The following CFAP95 variants were observed in gnomAD, a reference collection of about 807,000 sequenced individuals.
CFAP95 encodes cilia and flagella associated protein 95.
chr9:69,890,140 G>GTA, the CFAP95 span, among the ~76,000 whole-genome samples: 1 of 152,052 alleles, frequency 6.6e-6, no homozygotes, highest in Non-Finnish European at 1.5e-5. Context: ...GGATTGGACT[G>GTA]TATCTTTAAA....
the CFAP95 span, among the ~76,000 whole-genome samples, chr9:69,845,513 C>T: frequency 1.5e-4 from 23 of 152,190 alleles, no homozygotes; most frequent in Non-Finnish European, 2.9e-4. Flanking sequence ...TAAAAAGACG[C>T]ATAATTCCAC....
At chr9:69,873,148 TA>T in the CFAP95 span, among the ~76,000 whole-genome samples, 3 of 152,252 alleles carry the variant, frequency 2.0e-5, no homozygotes, top group Admixed American at 2.0e-4. Flanking sequence ...TAAAGAGTAA[TA>T]TATCAGTCAG....
At chr9:69,834,728 G>A in the CFAP95 span, among the ~76,000 whole-genome samples, 1 of 152,112 alleles carries the variant, frequency 6.6e-6, no homozygotes. Context: ...TCACTTATCT[G>A]TCTCCATCAA....
the CFAP95 span, among the ~76,000 whole-genome samples, chr9:69,882,389 C>T: frequency 6.6e-6 from 1 of 152,180 alleles, no homozygotes; most frequent in African/African-American, 2.4e-5. Flanking sequence ...ATGTCATGTG[C>T]AAACAAGGAT....
chr9:69,873,129 C>T, the CFAP95 span, among the ~76,000 whole-genome samples: 444 of 152,260 alleles, frequency 2.9e-3, 3 homozygotes, highest in African/African-American at 0.01. Context: ...ATCAGTAGGT[C>T]TTCCTACATA....
the CFAP95 span, among the ~76,000 whole-genome samples, chr9:69,882,702 T>A: frequency 1.3e-5 from 2 of 152,220 alleles, no homozygotes; most frequent in African/African-American, 4.8e-5. Context: ...TCAATTGAAA[T>A]GACTGTATAA....
At chr9:69,841,164 T>TTTTATATATATATA in the CFAP95 span, among the ~76,000 whole-genome samples, 290 of 56,042 alleles carry the variant, frequency 5.2e-3, 21 homozygotes, top group South Asian at 9.2e-3. Flanking sequence ...CCAAGCTGGA[T>TTTTATATATATATA]TATATATATA....
chr9:69,823,947 T>C, the CFAP95 span, among the ~76,000 whole-genome samples: 2 of 152,084 alleles, frequency 1.3e-5, no homozygotes, highest in Admixed American at 1.3e-4. Context: ...TGGAATGTCA[T>C]CAGTTAAGGC....
At chr9:69,901,561 C>A in the CFAP95 span, among the ~76,000 whole-genome samples, 1 of 152,082 alleles carries the variant, frequency 6.6e-6, no homozygotes, top group Non-Finnish European at 1.5e-5. Context: ...GGTGTATATG[C>A]GCCACATTTT....
the CFAP95 span, among the ~76,000 whole-genome samples, chr9:69,823,754 T>C: frequency 2.0e-5 from 3 of 152,132 alleles, no homozygotes; most frequent in Non-Finnish European, 2.9e-5. Context: ...GGCCGTTTTA[T>C]AGGATTTGGA....
the CFAP95 span, among the ~76,000 whole-genome samples, chr9:69,895,369 C>CTCTCTCTCTCTGTGTGTG: frequency 1.9e-5 from 2 of 107,848 alleles, no homozygotes; most frequent in African/African-American, 7.5e-5. Flanking sequence ...CTCTCTCTCT[C>CTCTCTCTCTCTGTGTGTG]TGTGTGTGTG....
chr9:69,879,461 A>G, the CFAP95 span, among the ~76,000 whole-genome samples: 490 of 152,242 alleles, frequency 3.2e-3, 5 homozygotes, highest in African/African-American at 0.011. Context: ...GGCCTGAATC[A>G]TGCATATTCA....
the CFAP95 span, chr9:69,844,469 A>C: frequency 3.9e-5 from 48 of 1,234,940 alleles, no homozygotes; most frequent in South Asian, 7.2e-4. Context: ...AATGCAATAC[A>C]GAATAAATAA....
the CFAP95 span, among the ~76,000 whole-genome samples, chr9:69,850,077 G>T: frequency 6.6e-6 from 1 of 152,130 alleles, no homozygotes; most frequent in Non-Finnish European, 1.5e-5. Flanking sequence ...AGCATGTGAG[G>T]CTGATACTAA....
the CFAP95 span, among the ~76,000 whole-genome samples, chr9:69,893,472 T>G: frequency 6.6e-6 from 1 of 152,202 alleles, no homozygotes; most frequent in Non-Finnish European, 1.5e-5. Flanking sequence ...TATATTAGCT[T>G]TCAAATCCCA....
chr9:69,876,257 G>T, the CFAP95 span, among the ~76,000 whole-genome samples: 1 of 152,190 alleles, frequency 6.6e-6, no homozygotes, highest in Non-Finnish European at 1.5e-5. Context: ...TAAAGGCTGG[G>T]CACAGTGGCT....
the CFAP95 span, among the ~76,000 whole-genome samples, chr9:69,878,406 G>A: frequency 3.3e-5 from 5 of 152,286 alleles, no homozygotes; most frequent in Admixed American, 3.3e-4. Flanking sequence ...ACCCCTGCTA[G>A]AGACTTGCCA....
At chr9:69,873,528 C>T in the CFAP95 span, among the ~76,000 whole-genome samples, 1 of 152,172 alleles carries the variant, frequency 6.6e-6, no homozygotes, top group Non-Finnish European at 1.5e-5. Context: ...TGCACCCCGT[C>T]ACCTCAACAC....
At chr9:69,824,875 G>A in the CFAP95 span, among the ~76,000 whole-genome samples, 1 of 152,136 alleles carries the variant, frequency 6.6e-6, no homozygotes, top group African/African-American at 2.4e-5. Flanking sequence ...GAGTGTTTGA[G>A]GCAAGTTTAT....
Sources: allele counts gnomAD v4.1 joint callset (sites outside exome capture counted in the v4.1 genomes callset), GRCh38; gene constraint gnomAD v4.1.1; transcripts MANE v1.5; gene names NCBI Gene and HGNC (gene_info 2026-07-23, HGNC 2026-07-21).